TRPV3: variants seen among roughly 807,000 people sequenced by gnomAD.
TRPV3 encodes VRL-3.
Under a neutral mutation model 87.1 loss-of-function variants are expected in TRPV3, and 88 were observed. That is an observed-to-expected ratio of 1.01 (90% CI 0.85 to 1.21). TRPV3 has a LOEUF of 1.21. Ranked by LOEUF, TRPV3 falls within the 50% of genes most tolerant of loss-of-function variation. TRPV3 has a pLI of 0.00. For missense variants in TRPV3, 1,054 were observed against 1,030.1 expected (o/e 1.02, Z -0.32); for synonymous variants, 438 against 423.3 (o/e 1.03, Z -0.43).
At chr17:3,525,664 G>A (rs1201729517) in intron 12 of TRPV3, among the ~76,000 whole-genome samples, 3 of 150,380 alleles carry the variant, frequency 2.0e-5, no homozygotes, top group Non-Finnish European at 2.9e-5. Flanking sequence ...CTGTCGCCCA[G>A]GCTGGAGTAC....
Position 3,544,776 on chromosome 17 carries a change from C to T in TRPV3, c.225-111G>A, listed in dbSNP as rs932055688. 2.7e-5 allele frequency: 20 copies of T among 734,660 alleles called. 1 individual carries two copies. In the Middle Eastern group the frequency reaches 9.3e-4, roughly 34 times the overall value. 45.5% of individuals were successfully genotyped at this position (734,660 alleles called of 1,614,324 possible). On this transcript the variant is annotated intron_variant, in intron 3 of 17. Transcript: ENST00000576742. The stretch of plus-strand genomic sequence containing the variant: ...CTTTGGGAGGCCGAGGCAGGTGGAT[C>T]ACTTGAGGTCAGGAGTTCGAGACCA...
chr17:3,517,131 C>T (rs1280968341), intron 15 of TRPV3, among the ~76,000 whole-genome samples: 3 of 151,886 alleles, frequency 2.0e-5, no homozygotes, highest in African/African-American at 7.3e-5. Context: ...GGTGACAGAG[C>T]GAAACTCCAT....
In TRPV3 at chr17:3,542,532, C is replaced by T. The variant is rs369793156; in HGVS notation, c.633G>A (p.Glu211=). 144 of 1,613,586 alleles carry T rather than the reference C, an allele frequency of 8.9e-5. 1 individual carries two copies. The highest frequency in any genetic ancestry group is 1.2e-4 in the Non-Finnish European group (139 of 1,179,756). The change falls in exon 6 of 18, where the codon GAG becomes GAA. Residue 211 remains glutamate (E), a synonymous_variant. Coordinates refer to ENST00000576742, the MANE Select transcript of TRPV3 (RefSeq NM_145068.4). ...GRFINAEYTE[E]AYEGQTALNI... The stretch of plus-strand genomic sequence containing the variant: ...CTGCAGGCAGGATACCTTCATAGGC[C>T]TCCTCTGTGTACTCGGCGTTGATGA...
At chr17:3,514,065 TTC>T in intron 17 of TRPV3, 54 bp from the exon 18 acceptor site, 1 of 1,424,900 alleles carries the variant, frequency 7.0e-7, no homozygotes, top group Non-Finnish European at 9.6e-7. Flanking sequence ...CATAGTGTGT[TTC>T]TTTTTTCTTT....
intron 2 of TRPV3, among the ~76,000 whole-genome samples, chr17:3,546,290 A>G (rs2074525041): frequency 6.6e-6 from 1 of 151,864 alleles, no homozygotes; most frequent in Non-Finnish European, 1.5e-5. Context: ...AAAAATACAA[A>G]AATTAGACAG....
intron 13 of TRPV3, among the ~76,000 whole-genome samples, chr17:3,522,143 C>T (rs915298465): frequency 6.6e-6 from 1 of 152,072 alleles, no homozygotes; most frequent in Non-Finnish European, 1.5e-5. Flanking sequence ...AACTCATCCC[C>T]GTCCAGTTAT....
intron 2 of TRPV3, chr17:3,553,700 A>G (rs984224390): frequency 1.3e-5 from 2 of 151,036 alleles, no homozygotes; most frequent in Non-Finnish European, 2.9e-5. Context: ...GTCACTTCCC[A>G]CTCTCTCCTC....
At chr17:3,527,807 C>T (rs529945887) in intron 11 of TRPV3, 14 of 563,090 alleles carry the variant, frequency 2.5e-5, no homozygotes, top group South Asian at 6.1e-5. Context: ...AGATAAATGG[C>T]GGATAGTTGG....
intron 8 of TRPV3, among the ~76,000 whole-genome samples, chr17:3,531,262 C>T (rs952837064): frequency 3.3e-5 from 5 of 152,060 alleles, no homozygotes; most frequent in Non-Finnish European, 5.9e-5. Context: ...CAGGATGAGA[C>T]ATGGACTTCC....
chr17:3,548,709 G>C (rs974244572), intron 2 of TRPV3, among the ~76,000 whole-genome samples: 4 of 152,230 alleles, frequency 2.6e-5, no homozygotes, highest in Admixed American at 2.6e-4. Flanking sequence ...TCTGATCTGA[G>C]CTCCCAATCA....
Position 3,545,255 on chromosome 17 carries a change from C to T in TRPV3, c.136G>A (p.Glu46Lys), listed in dbSNP as rs775131726. The change falls in exon 3 of 18, where the codon GAG (glutamate) becomes AAG (lysine). Residue 46 changes from glutamate (E) to lysine (K), a missense_variant. Coordinates refer to ENST00000576742, the MANE Select transcript of TRPV3 (RefSeq NM_145068.4). ...PTKKSAHFFLEIEGFEPNPTV... is the reference protein window; with the variant it reads ...PTKKSAHFFLKIEGFEPNPTV... The stretch of plus-strand genomic sequence containing the variant: ...GGGTTGGGTTCAAACCCTTCTATCT[C>T]CAGGAAGAAGTGTGCACTGAGGGAA... 1 of 1,613,506 alleles carries T rather than the reference C, an allele frequency of 6.2e-7. No individual in the cohort carries two copies. Among genetic ancestry groups the T allele is most frequent in the Non-Finnish European group, 8.5e-7 (1 of 1,179,596 alleles).
chr17:3,546,026 C>A (rs948632076), intron 2 of TRPV3, among the ~76,000 whole-genome samples: 1 of 150,788 alleles, frequency 6.6e-6, no homozygotes, highest in African/African-American at 2.4e-5. Context: ...ACAGGGAGCA[C>A]AGGGCCACGT....
At chr17:3,517,111 C>T (rs1026858267) in intron 15 of TRPV3, among the ~76,000 whole-genome samples, 2 of 152,048 alleles carry the variant, frequency 1.3e-5, no homozygotes, top group Admixed American at 6.5e-5. Flanking sequence ...CACCATTGCA[C>T]TCCAGCCTGG....
chr17:3,527,885 G>T, intron 11 of TRPV3, 140 bp downstream of exon 11: 4 of 672,312 alleles, frequency 5.9e-6, no homozygotes, highest in Admixed American at 2.4e-5. Context: ...TTTTTCCCAT[G>T]TTATAACTCA....
At chr17:3,548,356 C>T (rs1186162066) in intron 2 of TRPV3, among the ~76,000 whole-genome samples, 1 of 152,218 alleles carries the variant, frequency 6.6e-6, no homozygotes, top group Non-Finnish European at 1.5e-5. Flanking sequence ...GGGTAAAAGT[C>T]AAGGTGGTCA....
chr17:3,554,702 C>T (rs1446310954), intron 2 of TRPV3, 30 bp downstream of exon 2: 7 of 1,504,300 alleles, frequency 4.7e-6, no homozygotes, highest in Non-Finnish European at 9.2e-7. Context: ...CACAGTGCCG[C>T]AGTCCGTGTC....
intron 12 of TRPV3, among the ~76,000 whole-genome samples, chr17:3,525,031 G>A (rs4790144): frequency 0.011 from 1,599 of 152,116 alleles, 77 homozygotes; most frequent in Admixed American, 0.071. Context: ...GGGGGGTCAG[G>A]GGGGCAGAGA....
chr17:3,523,738 A>AACAAATT (rs990423054), intron 13 of TRPV3, among the ~76,000 whole-genome samples: 4 of 151,188 alleles, frequency 2.6e-5, no homozygotes, highest in Admixed American at 2.0e-4. Context: ...AAAAAAAAGC[A>AACAAATT]ACAAATTATT....
chr17:3,539,322 G>C (rs1361965228), intron 6 of TRPV3, among the ~76,000 whole-genome samples: 1 of 152,038 alleles, frequency 6.6e-6, no homozygotes, highest in African/African-American at 2.4e-5. Context: ...TATGTAAAAT[G>C]CTGGGCTGCT....
Sources: allele counts gnomAD v4.1 joint callset (sites outside exome capture counted in the v4.1 genomes callset), GRCh38; gene constraint gnomAD v4.1.1; transcripts MANE v1.5; gene names NCBI Gene and HGNC (gene_info 2026-07-23, HGNC 2026-07-21).